FILIP1L: variants seen among roughly 807,000 people sequenced by gnomAD.
FILIP1L encodes the protein filamin A-interacting protein 1-like.
FILIP1L carries 55 observed loss-of-function variants against 96.6 expected under a neutral mutation model. The ratio of observed to expected loss-of-function variants is 0.57; its 90% CI spans 0.46 to 0.71. The LOEUF (loss-of-function observed/expected upper bound fraction) is 0.71. FILIP1L is among the 30% of genes least tolerant of loss of function. The probability of loss-of-function intolerance (pLI) is 0.00; values close to 1 mark genes in which losing one functional copy is unlikely to be tolerated. For missense variants in FILIP1L, 1,304 were observed against 1,321.2 expected, an observed-to-expected ratio of 0.99 and a Z score of 0.20; for synonymous variants, 467 against 473.9, an observed-to-expected ratio of 0.99 and a Z score of 0.19.
At chr3:99,953,881 G>T (rs529318300) in intron 1 of FILIP1L, among the ~76,000 whole-genome samples, 48 of 152,324 alleles carry the variant, frequency 3.2e-4, no homozygotes, top group African/African-American at 1.1e-3. Flanking sequence ...GCTGGAGGCA[G>T]AAGGCACCAA....
In FILIP1L at chr3:99,851,089, A is replaced by G. The variant is rs754920729; in HGVS notation, c.606-19T>C. 9 of 1,544,712 alleles carry G rather than the reference A, an allele frequency of 5.8e-6. No homozygotes were observed. The East Asian group carries it at 1.8e-4, about 31-fold the overall frequency. On this transcript the variant is annotated intron_variant, in intron 4 of 5. Transcript: ENST00000477258. ...CTTTAATCTGAAAAATGTAAAGTGC[A>G]TTTTATTTTGTGATTGATGCTTTAG...
chr3:100,095,046 A>G (rs919027049), intron 1 of FILIP1L, among the ~76,000 whole-genome samples: 3 of 152,164 alleles, frequency 2.0e-5, no homozygotes, highest in Non-Finnish European at 4.4e-5. Context: ...CCAGGCAGGC[A>G]TATTTGCATG....
At chr3:99,907,073 GACTCTT>G (rs1706641515) in intron 4 of FILIP1L, among the ~76,000 whole-genome samples, 1 of 151,982 alleles carries the variant, frequency 6.6e-6, no homozygotes, top group Non-Finnish European at 1.5e-5. Flanking sequence ...ATATTTTTGG[GACTCTT>G]ACTGTTATTT....
intron 4 of FILIP1L, among the ~76,000 whole-genome samples, chr3:99,890,351 TTAC>T (rs1265668025): frequency 6.6e-6 from 1 of 152,138 alleles, no homozygotes; most frequent in East Asian, 1.9e-4. Flanking sequence ...TATTTTGTCC[TTAC>T]CAGGTTTCAT....
At chr3:100,112,302 G>A (rs2066505427) in intron 1 of FILIP1L, among the ~76,000 whole-genome samples, 1 of 152,130 alleles carries the variant, frequency 6.6e-6, no homozygotes, top group African/African-American at 2.4e-5. Context: ...AATATGGACT[G>A]TAATCAGAAG....
chr3:99,852,914 C>T (rs1943773548), intron 4 of FILIP1L, among the ~76,000 whole-genome samples: 1 of 152,116 alleles, frequency 6.6e-6, no homozygotes, highest in Non-Finnish European at 1.5e-5. Context: ...TGGGAGTCCA[C>T]TTTTAGTTTT....
chr3:100,008,086 T>C (rs1292604269), intron 1 of FILIP1L, among the ~76,000 whole-genome samples: 3 of 152,198 alleles, frequency 2.0e-5, no homozygotes, highest in Non-Finnish European at 4.4e-5. Flanking sequence ...ACCTTCCTAA[T>C]GTTTTTACTA....
intron 1 of FILIP1L, among the ~76,000 whole-genome samples, chr3:99,943,224 T>C (rs2107678897): frequency 6.6e-6 from 1 of 152,308 alleles, no homozygotes; most frequent in East Asian, 1.9e-4. Flanking sequence ...GAACCAATTA[T>C]GACATTAAAA....
At chr3:99,965,889 C>T (rs1289105168) in intron 1 of FILIP1L, among the ~76,000 whole-genome samples, 2 of 152,136 alleles carry the variant, frequency 1.3e-5, no homozygotes, top group Non-Finnish European at 2.9e-5. Context: ...TCCAGCCTGC[C>T]GCCACTGGAC....
At chr3:100,020,537 C>A (rs970801798) in intron 1 of FILIP1L, among the ~76,000 whole-genome samples, 1 of 152,102 alleles carries the variant, frequency 6.6e-6, no homozygotes, top group African/African-American at 2.4e-5. Flanking sequence ...ATTGCTTTGG[C>A]CATTCTGTTT....
At chr3:99,899,490 A>T (rs999114418) in intron 4 of FILIP1L, among the ~76,000 whole-genome samples, 1 of 152,222 alleles carries the variant, frequency 6.6e-6, no homozygotes, top group Non-Finnish European at 1.5e-5. Context: ...CAACTAAACA[A>T]GTTATTGTAT....
At chr3:100,105,757 G>A (rs905099220) in intron 1 of FILIP1L, among the ~76,000 whole-genome samples, 2 of 152,164 alleles carry the variant, frequency 1.3e-5, no homozygotes, top group African/African-American at 4.8e-5. Context: ...TTCCTTTTTA[G>A]AAGCCCATGC....
intron 1 of FILIP1L, among the ~76,000 whole-genome samples, chr3:100,049,098 T>C (rs1268444447): frequency 6.6e-6 from 1 of 152,192 alleles, no homozygotes; most frequent in African/African-American, 2.4e-5. Flanking sequence ...ACTGTAGAAA[T>C]TTGTGTCTGA....
intron 5 of FILIP1L, among the ~76,000 whole-genome samples, chr3:99,831,515 C>T (rs1390216687): frequency 6.6e-6 from 1 of 152,212 alleles, no homozygotes; most frequent in African/African-American, 2.4e-5. Context: ...CAGGACATTT[C>T]TGTGAACAAC....
chr3:99,994,916 C>T (rs774025615), intron 1 of FILIP1L, among the ~76,000 whole-genome samples: 3 of 152,150 alleles, frequency 2.0e-5, no homozygotes, highest in Non-Finnish European at 4.4e-5. Flanking sequence ...TCCCACAACA[C>T]ATGGGAATTA....
At chr3:99,975,248 AATAC>A (rs1218380413) in intron 1 of FILIP1L, among the ~76,000 whole-genome samples, 1 of 152,192 alleles carries the variant, frequency 6.6e-6, no homozygotes, top group African/African-American at 2.4e-5. Flanking sequence ...CCATTCAACA[AATAC>A]ATACTAAACT....
chr3:99,908,990 T>A (rs1706708833), intron 4 of FILIP1L, among the ~76,000 whole-genome samples: 1 of 152,210 alleles, frequency 6.6e-6, no homozygotes, highest in African/African-American at 2.4e-5. Context: ...AATTTACCAG[T>A]TAACAACTCT....
chr3:99,962,100 G>A (rs1708511207), intron 1 of FILIP1L, among the ~76,000 whole-genome samples: 1 of 152,178 alleles, frequency 6.6e-6, no homozygotes. Flanking sequence ...CCAAGGAAGC[G>A]AGATGAATGA....
At chr3:100,024,550 G>A (rs764090885) in intron 1 of FILIP1L, among the ~76,000 whole-genome samples, 1 of 151,998 alleles carries the variant, frequency 6.6e-6, no homozygotes. Context: ...TTCTTTCATG[G>A]TTATATTTCA....
Sources: gnomAD v4.1 joint callset for allele counts (sites outside exome capture counted in the v4.1 genomes callset) on GRCh38, gnomAD v4.1.1 for gene constraint, MANE v1.5 for transcripts, NCBI Gene and HGNC (gene_info 2026-07-23, HGNC 2026-07-21) for gene names.